The following RBFOX1 variants were observed in gnomAD, a reference collection of about 807,000 sequenced individuals.
The protein encoded by RBFOX1 is RNA binding protein fox-1 homolog 1.
In RBFOX1, 8 loss-of-function variants were observed where a neutral mutation model predicts 57.7. The observed-to-expected ratio is 0.14, with a 90% CI of 0.08 to 0.25. The LOEUF is 0.25. Among genes scored for constraint, RBFOX1 ranks in the 10% least tolerant of loss-of-function variants. The pLI is 1.00. For missense variants in RBFOX1, 611 were observed against 548.5 expected (o/e 1.11, Z -1.14); for synonymous variants, 326 against 222.4 (o/e 1.47, Z -4.15).
intron 1 of RBFOX1, among the ~76,000 whole-genome samples, chr16:6,179,379 G>C (rs999703593): frequency 6.6e-6 from 1 of 152,180 alleles, no homozygotes; most frequent in Non-Finnish European, 1.5e-5. Context: ...TTGATGTTTA[G>C]AGCTAGGTTT....
intron 1 of RBFOX1, among the ~76,000 whole-genome samples, chr16:5,299,940 T>A (rs1385468664): frequency 6.6e-6 from 1 of 152,158 alleles, no homozygotes; most frequent in Non-Finnish European, 1.5e-5. Flanking sequence ...TAGATGCACT[T>A]TATCACATTG....
chr16:6,249,585 A>G (rs2097591189), intron 1 of RBFOX1, among the ~76,000 whole-genome samples: 1 of 152,054 alleles, frequency 6.6e-6, no homozygotes. Context: ...AGAGGACCTG[A>G]AAGCAGCCAG....
chr16:7,154,151 A>C (rs1405090119), intron 4 of RBFOX1, among the ~76,000 whole-genome samples: 1 of 152,184 alleles, frequency 6.6e-6, no homozygotes, highest in East Asian at 1.9e-4. Context: ...CATCATCCAA[A>C]AGTTATTTGT....
chr16:6,121,812 G>A (rs543361535), intron 1 of RBFOX1, among the ~76,000 whole-genome samples: 3 of 152,162 alleles, frequency 2.0e-5, no homozygotes, highest in African/African-American at 4.8e-5. Context: ...ATAACTAATG[G>A]TACCTATCTT....
intron 3 of RBFOX1, among the ~76,000 whole-genome samples, chr16:6,815,672 A>G (rs2089912294): frequency 6.6e-6 from 1 of 152,140 alleles, no homozygotes; most frequent in African/African-American, 2.4e-5. Context: ...CAGGGCCAGG[A>G]TTCAAACCTA....
chr16:5,338,346 G>A (rs1010705250), intron 1 of RBFOX1, among the ~76,000 whole-genome samples: 13 of 152,184 alleles, frequency 8.5e-5, no homozygotes, highest in African/African-American at 3.1e-4. Flanking sequence ...AAGTAGAGAT[G>A]CTTGTTAATC....
At chr16:7,166,822 T>G (rs2079602885) in intron 4 of RBFOX1, among the ~76,000 whole-genome samples, 1 of 151,916 alleles carries the variant, frequency 6.6e-6, no homozygotes, top group African/African-American at 2.4e-5. Flanking sequence ...ATGCGGCATC[T>G]CTCCCAGGTT....
chr16:7,291,429 T>G (rs144587915), intron 4 of RBFOX1, among the ~76,000 whole-genome samples: 3 of 152,296 alleles, frequency 2.0e-5, no homozygotes, highest in Middle Eastern at 6.8e-3. Context: ...TGTGCTAGTA[T>G]AGCCACAATG....
At chr16:6,539,800 A>AACACACACACACACAC (rs1192980631) in intron 2 of RBFOX1, among the ~76,000 whole-genome samples, 5 of 57,550 alleles carry the variant, frequency 8.7e-5, no homozygotes, top group Non-Finnish European at 2.2e-4. Context: ...TGCATCTCAA[A>AACACACACACACACAC]ACACAGACAC....
intron 2 of RBFOX1, among the ~76,000 whole-genome samples, chr16:5,541,098 C>A (rs1391012126): frequency 2.0e-5 from 3 of 152,168 alleles, no homozygotes; most frequent in African/African-American, 7.2e-5. Flanking sequence ...GATCCACCTG[C>A]CTGGGCCTCC....
intron 2 of RBFOX1, among the ~76,000 whole-genome samples, chr16:6,602,061 C>G (rs1303965051): frequency 6.6e-6 from 1 of 152,204 alleles, no homozygotes; most frequent in East Asian, 1.9e-4. Flanking sequence ...TATTTCTCTC[C>G]TTTCCCTCCA....
In RBFOX1 at chr16:6,130,523, C is replaced by G. The variant is rs996828296; in HGVS notation, c.-127+110531C>G. Reference sequence around the variant, plus strand: ...AGAAGGCAAAAGCTTGAAAGACAACCATAGAAATAATTTCACCAAGTGCAA... The same window carrying G: ...AGAAGGCAAAAGCTTGAAAGACAACGATAGAAATAATTTCACCAAGTGCAA... On this transcript the variant is annotated intron_variant, in intron 1 of 15. Transcript: ENST00000550418. 3.9e-5 allele frequency among the ~76,000 whole-genome samples: 6 copies of G among 152,036 alleles called. No individual in the cohort carries two copies. The South Asian group carries it at 1.2e-3, about 32-fold the overall frequency.
intron 3 of RBFOX1, among the ~76,000 whole-genome samples, chr16:6,901,422 A>C (rs1176326670): frequency 6.6e-6 from 1 of 152,124 alleles, no homozygotes; most frequent in East Asian, 1.9e-4. Flanking sequence ...GAAGACAATA[A>C]CACAGAGTCC....
At chr16:6,765,921 A>C (rs182610292) in intron 3 of RBFOX1, among the ~76,000 whole-genome samples, 44 of 152,294 alleles carry the variant, frequency 2.9e-4, no homozygotes, top group African/African-American at 1.1e-3. Flanking sequence ...GTAAGTGGGA[A>C]CTAAGGTATG....
chr16:7,149,600 C>G (rs576061937), intron 4 of RBFOX1, among the ~76,000 whole-genome samples: 1 of 151,780 alleles, frequency 6.6e-6, no homozygotes, highest in East Asian at 1.9e-4. Flanking sequence ...ATCCTCTCAC[C>G]CCAGCCTCCT....
chr16:6,392,212 A>G (rs995205560), intron 2 of RBFOX1, among the ~76,000 whole-genome samples: 7 of 152,192 alleles, frequency 4.6e-5, no homozygotes, highest in African/African-American at 1.7e-4. Context: ...GTAGCCTTTT[A>G]CTGGTTAACT....
intron 1 of RBFOX1, among the ~76,000 whole-genome samples, chr16:5,462,078 C>T (rs987254972): frequency 1.2e-4 from 19 of 152,118 alleles, no homozygotes; most frequent in Non-Finnish European, 1.9e-4. Context: ...AAAGATTACC[C>T]GTCTCTTTTC....
chr16:7,128,542 G>C (rs138912938), intron 4 of RBFOX1, among the ~76,000 whole-genome samples: 6 of 152,318 alleles, frequency 3.9e-5, no homozygotes, highest in African/African-American at 1.4e-4. Context: ...GTGAGGTAGA[G>C]ATACAGCAGT....
chr16:6,970,906 G>T (rs1156847402), intron 3 of RBFOX1, among the ~76,000 whole-genome samples: 1 of 152,178 alleles, frequency 6.6e-6, no homozygotes, highest in Non-Finnish European at 1.5e-5. Flanking sequence ...AGACCTTTGT[G>T]CTGTGCTGTT....
Sources: gnomAD v4.1 joint callset for allele counts (sites outside exome capture counted in the v4.1 genomes callset) on GRCh38, gnomAD v4.1.1 for gene constraint, MANE v1.5 for transcripts, NCBI Gene and HGNC (gene_info 2026-07-23, HGNC 2026-07-21) for gene names.